Variants in DCAF7 observed in about 807,000 individuals in gnomAD.
DCAF7 encodes the protein DDB1 and CUL4 associated factor 7, also known as DDB1- and CUL4-associated factor 7.
In DCAF7, 4 loss-of-function variants were observed where a neutral mutation model predicts 41.2. The observed-to-expected ratio is 0.10, with a 90% CI of 0.05 to 0.22. The LOEUF is 0.22. Among genes scored for constraint, DCAF7 ranks in the 10% least tolerant of loss-of-function variants. DCAF7 has a pLI of 1.00. For synonymous variants in DCAF7, 143 were observed against 164.2 expected (o/e 0.87, Z 0.99); for missense variants, 131 against 443.2 (o/e 0.30, Z 6.32).
chr17:63,588,189 A>ATTTTTTCTTTTTTTTTTTT (rs2033697547), intron 6 of DCAF7, among the ~76,000 whole-genome samples: 1 of 120,262 alleles, frequency 8.3e-6, no homozygotes, highest in African/African-American at 3.9e-5. Context: ...ATTTTCTTGG[A>ATTTTTTCTTTTTTTTTTTT]TTTTTTTTTT....
chr17:63,570,105 G>A (rs2033489169), intron 1 of DCAF7, among the ~76,000 whole-genome samples: 2 of 152,150 alleles, frequency 1.3e-5, no homozygotes, highest in Non-Finnish European at 1.5e-5. Context: ...CATTACTGGT[G>A]GGGAGGGTGA....
intron 1 of DCAF7, among the ~76,000 whole-genome samples, chr17:63,576,262 T>C (rs1355873388): frequency 6.6e-6 from 1 of 151,566 alleles, no homozygotes; most frequent in Admixed American, 6.6e-5. Context: ...GCCAAAATGG[T>C]GAAGACCCTT....
chr17:63,566,145 C>T (rs1034964829), intron 1 of DCAF7, among the ~76,000 whole-genome samples: 5 of 150,146 alleles, frequency 3.3e-5, no homozygotes, highest in Middle Eastern at 3.7e-3. Flanking sequence ...CCGAGGTGGG[C>T]GGACCATGAG....
Position 63,589,620 on chromosome 17 carries a change from G to A in DCAF7, c.*448G>A. 5.1e-6 allele frequency: 1 copy of A among 197,150 alleles called. No homozygotes were observed. The highest frequency in any genetic ancestry group is 1.1e-5 in the Non-Finnish European group (1 of 93,756). The allele number at this position is 197,150 out of a possible 1,614,324, so 12.2% of individuals were successfully genotyped here. A position where few individuals can be genotyped will look rare whatever the true frequency, so the allele number is the denominator to read the frequency against. On this transcript the variant is annotated 3_prime_UTR_variant, in exon 7 of 7. Transcript: ENST00000614556. ...AAATACCAATTTGTCTTTTCTCCTA[G>A]TATCAGTGTGTTTAACAAATTTTAA... is the stretch of plus-strand genomic sequence containing the variant.
intron 6 of DCAF7, among the ~76,000 whole-genome samples, chr17:63,586,722 A>G (rs1262100227): frequency 1.3e-5 from 2 of 152,024 alleles, no homozygotes; most frequent in Non-Finnish European, 2.9e-5. Flanking sequence ...AGATCGTGCC[A>G]CTACCCTCCA....
Position 63,583,576 on chromosome 17 carries a change from G to T in DCAF7, c.603G>T (p.Val201=). The T allele has an allele frequency of 6.2e-7, 1 of 1,613,902 alleles. No individual in the cohort carries two copies. Among genetic ancestry groups the T allele is most frequent in the Non-Finnish European group, 8.5e-7 (1 of 1,179,866 alleles). Residue 201 remains valine, a synonymous_variant, in exon 5 of 7, where the codon GTG becomes GTT. Transcript: ENST00000614556. ...CCTCTGTGGGTGCTGATGGCTCGGT[G>T]CGGATGTTTGACCTCCGCCATCTAG... The part of the protein sequence containing the change: ...MFASVGADGS[V]RMFDLRHLEH...
chr17:63,576,972 A>G (rs1052543790), intron 1 of DCAF7, among the ~76,000 whole-genome samples: 11 of 152,372 alleles, frequency 7.2e-5, no homozygotes, highest in African/African-American at 2.6e-4. Context: ...AGCAGTAAGA[A>G]AAGAAGCAAC....
intron 4 of DCAF7, among the ~76,000 whole-genome samples, 160 bp downstream of exon 4, chr17:63,580,103 AAAC>A (rs1311250602): frequency 6.6e-6 from 1 of 152,224 alleles, no homozygotes; most frequent in Non-Finnish European, 1.5e-5. Context: ...AAAAACGGGA[AAAC>A]AACACTATTG....
At chr17:63,575,053 A>G (rs957282707) in intron 1 of DCAF7, among the ~76,000 whole-genome samples, 17 of 152,242 alleles carry the variant, frequency 1.1e-4, no homozygotes, top group Non-Finnish European at 2.4e-4. Context: ...GCAGTAGCTC[A>G]TGCCAATAAT....
chr17:63,564,019 G>A (rs2033413310), intron 1 of DCAF7, among the ~76,000 whole-genome samples: 1 of 151,996 alleles, frequency 6.6e-6, no homozygotes, highest in Admixed American at 6.6e-5. Context: ...TTTTCTAAAA[G>A]TTGAGGGAAA....
chr17:63,569,406 G>A (rs977239034), intron 1 of DCAF7, among the ~76,000 whole-genome samples: 1 of 149,612 alleles, frequency 6.7e-6, no homozygotes, highest in Non-Finnish European at 1.5e-5. Context: ...AAAAGCTCAT[G>A]CCCAGACCTA....
rs1017031403 is a variant in DCAF7 at position 63,577,404 on chromosome 17, A to G, written c.139-1066A>G. Among the ~76,000 whole-genome samples the G allele has an allele frequency of 7.2e-5, 11 of 152,330 alleles. No individual in the cohort carries two copies. In the East Asian group the frequency reaches 2.1e-3, roughly 29 times the overall value. Reference sequence around the variant, plus strand: ...TTCCCCTTATTGTGGATGTTTACCAAATATCCCCACTATTCCATCTTCCAG... The same window carrying G: ...TTCCCCTTATTGTGGATGTTTACCAGATATCCCCACTATTCCATCTTCCAG... On this transcript the variant is annotated intron_variant, in intron 1 of 6. Coordinates refer to ENST00000614556, the MANE Select transcript of DCAF7 (RefSeq NM_005828.5).
chr17:63,559,385 ATG>A (rs1568097771), intron 1 of DCAF7, among the ~76,000 whole-genome samples: 87 of 44,724 alleles, frequency 1.9e-3, no homozygotes, highest in Non-Finnish European at 3.6e-3. Context: ...GTGTATATAT[ATG>A]TATATATATA....
chr17:63,568,339 C>T (rs2033467479), intron 1 of DCAF7, among the ~76,000 whole-genome samples: 1 of 152,174 alleles, frequency 6.6e-6, no homozygotes, highest in African/African-American at 2.4e-5. Context: ...TAGAATTGGG[C>T]ATGCCCTAAG....
chr17:63,558,137 A>G (rs1431609204), intron 1 of DCAF7, among the ~76,000 whole-genome samples: 1 of 152,146 alleles, frequency 6.6e-6, no homozygotes, highest in Non-Finnish European at 1.5e-5. Context: ...CAAGTGATCC[A>G]CTAACCTCAG....
intron 1 of DCAF7, among the ~76,000 whole-genome samples, chr17:63,557,009 C>T (rs1366563573): frequency 1.3e-5 from 2 of 152,104 alleles, no homozygotes; most frequent in Non-Finnish European, 1.5e-5. Context: ...GCTGGGGTGA[C>T]AGAGCGAGAC....
intron 1 of DCAF7, among the ~76,000 whole-genome samples, chr17:63,577,415 T>C (rs8067247): frequency 0.14 from 21,647 of 152,160 alleles, 4,970 homozygotes; most frequent in African/African-American, 0.49. Flanking sequence ...ATATCCCCAC[T>C]ATTCCATCTT....
At chr17:63,585,832 C>G (rs1019361022) in intron 6 of DCAF7, among the ~76,000 whole-genome samples, 1 of 152,134 alleles carries the variant, frequency 6.6e-6, no homozygotes, top group Non-Finnish European at 1.5e-5. Flanking sequence ...AAGCTAGCAC[C>G]CCTTACGGGC....
chr17:63,567,341 G>A (rs1249731112), intron 1 of DCAF7, among the ~76,000 whole-genome samples: 1 of 152,142 alleles, frequency 6.6e-6, no homozygotes, highest in Non-Finnish European at 1.5e-5. Context: ...AGAGCCAATT[G>A]TAATTCCTCT....
Sources: allele counts gnomAD v4.1 joint callset (sites outside exome capture counted in the v4.1 genomes callset), GRCh38; gene constraint gnomAD v4.1.1; transcripts MANE v1.5; gene names NCBI Gene and HGNC (gene_info 2026-07-23, HGNC 2026-07-21).